The following NRXN1 variants were observed in gnomAD, a reference collection of about 807,000 sequenced individuals.
NRXN1 encodes the protein neurexin-1.
NRXN1 carries 39 observed loss-of-function variants against 150.9 expected under a neutral mutation model. The observed-to-expected ratio is 0.26, with a 90% confidence interval of 0.20 to 0.34. The LOEUF is 0.34. Ranked by LOEUF, NRXN1 falls within the 10% of genes least tolerant of loss-of-function variation. NRXN1 has a pLI of 1.00. For synonymous variants in NRXN1, 924 were observed against 757.0 expected (o/e 1.22, Z -3.62); for missense variants, 1,815 against 1,949.9 (o/e 0.93, Z 1.30).
chr2:50,866,917 A>G (rs1230072963), intron 5 of NRXN1, among the ~76,000 whole-genome samples: 1 of 151,904 alleles, frequency 6.6e-6, no homozygotes, highest in Admixed American at 6.6e-5. Context: ...CACAATCACT[A>G]CTAACTGACA....
chr2:50,690,301 A>G (rs959266781), intron 5 of NRXN1, among the ~76,000 whole-genome samples: 2 of 152,246 alleles, frequency 1.3e-5, no homozygotes, highest in Admixed American at 6.5e-5. Context: ...GATGAAAAGC[A>G]TAGTGTTATA....
chr2:50,827,276 T>G (rs985968939), intron 5 of NRXN1, among the ~76,000 whole-genome samples: 1 of 152,244 alleles, frequency 6.6e-6, no homozygotes, highest in Non-Finnish European at 1.5e-5. Flanking sequence ...ATACTTCAAT[T>G]CATCCCTGAT....
rs1372091175 is a variant in NRXN1 at position 50,100,392 on chromosome 2, G to C, written c.3547-8898C>G. ...ACTTCAGTGCTTCTATTTCCTCATT[G>C]TCTCTCCTTAGATGAAATTAAATAA... On this transcript the variant is annotated intron_variant, in intron 18 of 22. Transcript: ENST00000401669. Among the ~76,000 whole-genome samples, 13 of 152,016 alleles carry C rather than the reference G, an allele frequency of 8.6e-5. No homozygotes were observed. In the East Asian group the frequency reaches 2.3e-3, roughly 27 times the overall value.
At chr2:50,493,312 A>T (rs1403564369) in intron 15 of NRXN1, among the ~76,000 whole-genome samples, 1 of 152,120 alleles carries the variant, frequency 6.6e-6, no homozygotes, top group Non-Finnish European at 1.5e-5. Flanking sequence ...AAAGAAAAAA[A>T]TGCCTCGTTG....
chr2:50,301,629 C>A (rs1032724059), intron 17 of NRXN1, among the ~76,000 whole-genome samples: 3 of 152,106 alleles, frequency 2.0e-5, no homozygotes, highest in Non-Finnish European at 4.4e-5. Context: ...GTACTCTGTA[C>A]CCTGCAACCT....
chr2:50,820,386 T>G (rs1328793527), intron 5 of NRXN1, among the ~76,000 whole-genome samples: 5 of 152,126 alleles, frequency 3.3e-5, no homozygotes, highest in Non-Finnish European at 7.4e-5. Flanking sequence ...CTAATTTAAC[T>G]CACATGACTG....
chr2:50,466,421 TG>T, intron 16 of NRXN1: 1 of 466,008 alleles, frequency 2.1e-6, no homozygotes. Flanking sequence ...CTGTGTATTA[TG>T]GGGTTTCAGT....
At chr2:50,180,401 C>A (rs773358035) in intron 18 of NRXN1, among the ~76,000 whole-genome samples, 7 of 152,056 alleles carry the variant, frequency 4.6e-5, no homozygotes, top group Non-Finnish European at 1.0e-4. Flanking sequence ...TGCTAGTGTT[C>A]CAGCATGTAT....
chr2:50,084,624 C>T (rs560063898), intron 19 of NRXN1, among the ~76,000 whole-genome samples: 1 of 152,328 alleles, frequency 6.6e-6, no homozygotes, highest in African/African-American at 2.4e-5. Context: ...GGAACCGGCT[C>T]TGGCCTTGGC....
intron 5 of NRXN1, among the ~76,000 whole-genome samples, chr2:50,694,613 A>G (rs528117993): frequency 2.6e-5 from 4 of 152,314 alleles, no homozygotes; most frequent in African/African-American, 9.6e-5. Flanking sequence ...TCGAAGAAGC[A>G]TCATATCCTT....
At chr2:49,964,437 G>T (rs1308206870) in intron 21 of NRXN1, among the ~76,000 whole-genome samples, 1 of 151,324 alleles carries the variant, frequency 6.6e-6, no homozygotes, top group East Asian at 2.0e-4. Flanking sequence ...AAAATTAATC[G>T]GGTGTGGTGG....
At chr2:50,181,729 G>GA (rs1047824375) in intron 18 of NRXN1, among the ~76,000 whole-genome samples, 4 of 151,980 alleles carry the variant, frequency 2.6e-5, no homozygotes, top group African/African-American at 9.7e-5. Context: ...TAATGGATAA[G>GA]AAAAACATTT....
At chr2:50,439,623 G>A (rs192917435) in intron 17 of NRXN1, among the ~76,000 whole-genome samples, 12 of 151,852 alleles carry the variant, frequency 7.9e-5, no homozygotes, top group Non-Finnish European at 1.3e-4. Flanking sequence ...TGGCTAACAC[G>A]GTGAAAACCC....
At chr2:50,829,764 T>A (rs1671131838) in intron 5 of NRXN1, 4 of 1,561,762 alleles carry the variant, frequency 2.6e-6, no homozygotes, top group Non-Finnish European at 3.5e-6. Flanking sequence ...CCCGCTTAAG[T>A]GCCACTCAGC....
chr2:51,015,186 T>C (rs1486643404), intron 2 of NRXN1, among the ~76,000 whole-genome samples: 1 of 152,016 alleles, frequency 6.6e-6, no homozygotes, highest in African/African-American at 2.4e-5. Context: ...TCTGTCTCTC[T>C]CTCTCAATTT....
At chr2:50,172,862 G>C (rs994488204) in intron 18 of NRXN1, among the ~76,000 whole-genome samples, 7 of 152,178 alleles carry the variant, frequency 4.6e-5, no homozygotes, top group Non-Finnish European at 7.3e-5. Flanking sequence ...AGCCACTTGG[G>C]AGGCTGAGAC....
At chr2:50,819,068 T>C (rs1400336378) in intron 5 of NRXN1, among the ~76,000 whole-genome samples, 6 of 152,150 alleles carry the variant, frequency 3.9e-5, no homozygotes, top group African/African-American at 1.2e-4. Flanking sequence ...CCTTGTGCAC[T>C]TTTGGTGAGA....
At chr2:50,119,446 T>A (rs1259044828) in intron 18 of NRXN1, among the ~76,000 whole-genome samples, 1 of 152,116 alleles carries the variant, frequency 6.6e-6, no homozygotes, top group African/African-American at 2.4e-5. Context: ...AATTGCAAGT[T>A]TTCCTTTGTC....
chr2:50,733,150 G>T (rs1158283628), intron 5 of NRXN1, among the ~76,000 whole-genome samples: 1 of 152,114 alleles, frequency 6.6e-6, no homozygotes, highest in Non-Finnish European at 1.5e-5. Flanking sequence ...AGCTTTAAAT[G>T]ACACAACAGG....
Sources: gnomAD v4.1 joint callset for allele counts (sites outside exome capture counted in the v4.1 genomes callset) on GRCh38, gnomAD v4.1.1 for gene constraint, MANE v1.5 for transcripts, NCBI Gene and HGNC (gene_info 2026-07-23, HGNC 2026-07-21) for gene names.